Variants in RBFOX1 observed in about 807,000 individuals in gnomAD.
RBFOX1 encodes RNA binding fox-1 homolog 1.
A neutral mutation model predicts 57.7 loss-of-function variants in RBFOX1; 8 were observed. The observed-to-expected ratio is 0.14, with a 90% CI of 0.08 to 0.25. The LOEUF is 0.25. Ranked by LOEUF, RBFOX1 falls within the 10% of genes least tolerant of loss-of-function variation. The pLI is 1.00. For missense variants in RBFOX1, 611 were observed against 548.5 expected, an observed-to-expected ratio of 1.11 and a Z score of -1.14; for synonymous variants, 326 against 222.4, an observed-to-expected ratio of 1.47 and a Z score of -4.15.
At chr16:5,340,850 C>T (rs1307565903) in intron 1 of RBFOX1, among the ~76,000 whole-genome samples, 1 of 152,142 alleles carries the variant, frequency 6.6e-6, no homozygotes, top group Non-Finnish European at 1.5e-5. Context: ...CAGACAAGTC[C>T]TACAGTTCCA....
Position 7,020,508 on chromosome 16 carries a change from C to G in RBFOX1, c.-15-31549C>G, listed in dbSNP as rs191103381. On this transcript the variant is annotated intron_variant, in intron 3 of 15. Coordinates refer to ENST00000550418, the MANE Select transcript of RBFOX1 (RefSeq NM_018723.4). The stretch of plus-strand genomic sequence containing the variant: ...TGCTGGGATTTCAGGCGTCAGCCAC[C>G]GCGCCCAGCCAATCTAAAATATTTT... Among the ~76,000 whole-genome samples the G allele has an allele frequency of 6.8e-4, 104 of 152,168 alleles. 1 individual carries two copies. The highest frequency in any genetic ancestry group is 2.0e-3 in the Admixed American group (31 of 15,282).
At chr16:6,550,185 G>T (rs1490787942) in intron 2 of RBFOX1, among the ~76,000 whole-genome samples, 1 of 151,670 alleles carries the variant, frequency 6.6e-6, no homozygotes, top group African/African-American at 2.4e-5. Flanking sequence ...TCTTTTTTGG[G>T]GGTTGGCGGG....
chr16:7,569,320 A>G (rs577326036), intron 5 of RBFOX1, among the ~76,000 whole-genome samples: 8 of 152,174 alleles, frequency 5.3e-5, no homozygotes, highest in South Asian at 2.1e-4. Context: ...TGATATTTCT[A>G]TAGGCTCATA....
chr16:7,647,166 T>C (rs1405331020), intron 11 of RBFOX1, among the ~76,000 whole-genome samples: 2 of 152,152 alleles, frequency 1.3e-5, no homozygotes, highest in East Asian at 1.9e-4. Flanking sequence ...AGATGGTTAC[T>C]CTACTAACCT....
intron 1 of RBFOX1, chr16:6,092,707 G>A (rs1021225574): frequency 6.6e-6 from 1 of 152,112 alleles, no homozygotes; most frequent in Non-Finnish European, 1.5e-5. Context: ...ATTGGTGTGT[G>A]GCATTATTTC....
chr16:6,308,169 A>G (rs1445091183), intron 1 of RBFOX1, among the ~76,000 whole-genome samples: 1 of 151,886 alleles, frequency 6.6e-6, no homozygotes, highest in East Asian at 1.9e-4. Context: ...TCATTTACAT[A>G]CTTTTATAAA....
chr16:5,779,072 C>T, intron 3 of RBFOX1, among the ~76,000 whole-genome samples: 1 of 152,100 alleles, frequency 6.6e-6, no homozygotes, highest in East Asian at 1.9e-4. Flanking sequence ...AAGTTATGAA[C>T]CATGCTGTCA....
chr16:6,330,247 T>C (rs1287564927), intron 2 of RBFOX1, among the ~76,000 whole-genome samples: 2 of 152,196 alleles, frequency 1.3e-5, no homozygotes, highest in African/African-American at 4.8e-5. Context: ...AAGCACATGG[T>C]CTTACTCCTG....
At chr16:7,054,046 A>G (rs560847663) in intron 4 of RBFOX1, among the ~76,000 whole-genome samples, 1 of 151,528 alleles carries the variant, frequency 6.6e-6, no homozygotes, top group Non-Finnish European at 1.5e-5. Context: ...ACTGGTAGCT[A>G]TCTCATCTGT....
At chr16:6,817,525 C>G (rs948851215) in intron 3 of RBFOX1, among the ~76,000 whole-genome samples, 3 of 114,824 alleles carry the variant, frequency 2.6e-5, no homozygotes, top group South Asian at 2.8e-4. Context: ...GAAACCCTTT[C>G]TTTGCTTAAA....
chr16:6,475,262 A>G (rs1285466774), intron 2 of RBFOX1, among the ~76,000 whole-genome samples: 1 of 152,236 alleles, frequency 6.6e-6, no homozygotes, highest in East Asian at 1.9e-4. Flanking sequence ...TTGTAATACT[A>G]TTAGAAGAAT....
At chr16:6,356,188 T>C (rs1375879575) in intron 2 of RBFOX1, among the ~76,000 whole-genome samples, 1 of 152,208 alleles carries the variant, frequency 6.6e-6, no homozygotes, top group African/African-American at 2.4e-5. Context: ...TCTCCATCTT[T>C]AAGCACTGCT....
intron 2 of RBFOX1, among the ~76,000 whole-genome samples, chr16:6,493,187 G>T (rs752415764): frequency 6.6e-6 from 1 of 152,236 alleles, no homozygotes; most frequent in Non-Finnish European, 1.5e-5. Flanking sequence ...AACCTAAATT[G>T]CTTGGAAAAT....
At chr16:7,432,034 T>G (rs937923906) in intron 4 of RBFOX1, among the ~76,000 whole-genome samples, 1 of 152,188 alleles carries the variant, frequency 6.6e-6, no homozygotes, top group Non-Finnish European at 1.5e-5. Flanking sequence ...TTGCTTTCCT[T>G]ACACCCAGCC....
At chr16:7,588,982 G>T (rs2094290147) in intron 7 of RBFOX1, among the ~76,000 whole-genome samples, 1 of 152,168 alleles carries the variant, frequency 6.6e-6, no homozygotes, top group African/African-American at 2.4e-5. Flanking sequence ...CAGGGACCTT[G>T]TCATTTTTCC....
Position 6,786,411 on chromosome 16 carries a change from A to G in RBFOX1, c.-16+131761A>G, listed in dbSNP as rs377011903. ...CTTGTACCTTTGGGCTTCATGCATC[A>G]TTTTTCAGGAGGTAGATCAAGTGGA... On this transcript the variant is annotated intron_variant, in intron 3 of 15. Coordinates refer to ENST00000550418, the MANE Select transcript of RBFOX1 (RefSeq NM_018723.4). Among the ~76,000 whole-genome samples, 23 of 152,248 alleles carry G rather than the reference A, an allele frequency of 1.5e-4. 1 individual carries two copies. In the East Asian group the frequency reaches 2.7e-3, roughly 18 times the overall value.
chr16:6,484,295 G>C (rs2095427311), intron 2 of RBFOX1, among the ~76,000 whole-genome samples: 1 of 152,190 alleles, frequency 6.6e-6, no homozygotes, highest in Non-Finnish European at 1.5e-5. Flanking sequence ...GGGAGCATGT[G>C]TGTGCAAATG....
chr16:6,833,965 C>G (rs1401286130), intron 3 of RBFOX1, among the ~76,000 whole-genome samples: 3 of 152,072 alleles, frequency 2.0e-5, no homozygotes, highest in Non-Finnish European at 4.4e-5. Flanking sequence ...AGACATCAGC[C>G]TTGGAGGCAC....
chr16:7,321,057 ATCTATCTG>A (rs1463210294), intron 4 of RBFOX1, among the ~76,000 whole-genome samples: 45 of 142,122 alleles, frequency 3.2e-4, no homozygotes, highest in Middle Eastern at 3.5e-3. Context: ...GAAATTATCT[ATCTATCTG>A]TCTATCTATA....
Sources: gnomAD v4.1 joint callset for allele counts (sites outside exome capture counted in the v4.1 genomes callset) on GRCh38, gnomAD v4.1.1 for gene constraint, MANE v1.5 for transcripts, NCBI Gene and HGNC (gene_info 2026-07-23, HGNC 2026-07-21) for gene names.